PCDHA8: variants seen among roughly 807,000 people sequenced by gnomAD.
PCDHA8 encodes the protein protocadherin alpha-8.
A neutral mutation model predicts 61.8 loss-of-function variants in PCDHA8; 53 were observed. The observed-to-expected ratio is 0.86, with a 90% CI of 0.69 to 1.08. PCDHA8 has a LOEUF of 1.08. Ranked by LOEUF, PCDHA8 falls within the 50% of genes least tolerant of loss-of-function variation. PCDHA8 has a pLI of 0.00. For synonymous variants in PCDHA8, 618 were observed against 556.6 expected (o/e 1.11, Z -1.55); for missense variants, 1,293 against 1,245.0 (o/e 1.04, Z -0.58).
Position 140,876,608 on chromosome 5 carries a change from C to T in PCDHA8, c.2394+32893C>T, listed in dbSNP as rs1267902187. On this transcript the variant is annotated intron_variant, in intron 1 of 3. Transcript: ENST00000531613. ...CTGATTAGCGTGTCGGATCGTGACT[C>T]TGGAGCCAATGGACAGGTCATCTGC... The T allele has an allele frequency of 5.0e-6, 8 of 1,614,070 alleles. No individual in the cohort carries two copies. The highest frequency in any genetic ancestry group is 5.9e-6 in the Non-Finnish European group (7 of 1,180,040).
At chr5:140,985,690 C>G (rs752184454) in intron 3 of PCDHA8, among the ~76,000 whole-genome samples, 1 of 151,742 alleles carries the variant, frequency 6.6e-6, no homozygotes, top group Admixed American at 6.6e-5. Flanking sequence ...TACGCTAATC[C>G]TCGTTCATAT....
intron 1 of PCDHA8, chr5:140,875,542 T>G: frequency 6.2e-7 from 1 of 1,614,134 alleles, no homozygotes. Context: ...CCTTGCAGCC[T>G]GGGAGGTGGG....
At chr5:140,885,267 C>T (rs1448375746) in intron 1 of PCDHA8, among the ~76,000 whole-genome samples, 1 of 151,978 alleles carries the variant, frequency 6.6e-6, no homozygotes, top group Non-Finnish European at 1.5e-5. Flanking sequence ...ATTACTCATA[C>T]ATATATATAT....
At chr5:140,933,338 G>T (rs2089065952) in intron 1 of PCDHA8, among the ~76,000 whole-genome samples, 1 of 151,926 alleles carries the variant, frequency 6.6e-6, no homozygotes, top group South Asian at 2.1e-4. Context: ...TGTAGAGAAA[G>T]ATAAACACTT....
In PCDHA8 at chr5:140,843,613, A is replaced by G; in HGVS notation, c.2292A>G (p.Pro764=). The change falls in exon 1 of 4, where the codon CCA becomes CCG. Residue 764 remains proline, a synonymous_variant. Coordinates refer to ENST00000531613, the MANE Select transcript of PCDHA8 (RefSeq NM_018911.3). ...QPQRVCSGEG[P]PKTDLMAFSP... is the part of the protein sequence containing the mutation. ...AGAGGGTGTGCTCTGGTGAGGGGCC[A>G]CCGAAGACGGACCTCATGGCCTTCA... The G allele has an allele frequency of 6.3e-7, 1 of 1,596,056 alleles. No individual in the cohort carries two copies. Among genetic ancestry groups the G allele is most frequent in the Non-Finnish European group, 8.6e-7 (1 of 1,165,548 alleles).
intron 1 of PCDHA8, among the ~76,000 whole-genome samples, chr5:140,941,693 G>C (rs2093147737): frequency 6.6e-6 from 1 of 151,900 alleles, no homozygotes; most frequent in South Asian, 2.1e-4. Flanking sequence ...TTACCTCTTT[G>C]GGCTTAGCTT....
At chr5:140,870,229 C>A (rs781897836) in intron 1 of PCDHA8, 3 of 1,614,046 alleles carry the variant, frequency 1.9e-6, no homozygotes, top group South Asian at 1.1e-5. Flanking sequence ...CGTGTCTGAC[C>A]GTGACTCAGG....
chr5:140,856,872 A>G (rs1554149238), intron 1 of PCDHA8: 1 of 1,596,142 alleles, frequency 6.3e-7, no homozygotes, highest in South Asian at 1.1e-5. Flanking sequence ...ATAAACAAGG[A>G]AATGATGTAT....
intron 1 of PCDHA8, among the ~76,000 whole-genome samples, chr5:140,932,340 C>G (rs1339952181): frequency 6.6e-6 from 1 of 151,864 alleles, no homozygotes; most frequent in Non-Finnish European, 1.5e-5. Flanking sequence ...GCATGAAACA[C>G]TTACCATACA....
rs376781836 is a variant in PCDHA8 at position 140,858,274 on chromosome 5, G to A, written c.2394+14559G>A. On this transcript the variant is annotated intron_variant, in intron 1 of 3. Coordinates refer to ENST00000531613, the MANE Select transcript of PCDHA8 (RefSeq NM_018911.3). ...AGCCCACGCTGGTGTGCTCTAGCGCGGTGGGGAGCTGGTCTTACTCGCAGC... is the reference window on the plus strand; with the variant it reads ...AGCCCACGCTGGTGTGCTCTAGCGCAGTGGGGAGCTGGTCTTACTCGCAGC... The A allele has an allele frequency of 1.3e-5, 21 of 1,597,416 alleles. 1 individual carries two copies. The African/African-American group carries it at 2.6e-4, about 19-fold the overall frequency.
chr5:140,882,261 AGTGTACCATGCT>A (rs1554173264), intron 1 of PCDHA8: 1 of 1,604,356 alleles, frequency 6.2e-7, no homozygotes, highest in Non-Finnish European at 8.5e-7. Flanking sequence ...AGGTTTTTGG[AGTGTACCATGCT>A]GTCTTCCTGG....
chr5:140,886,127 C>T (rs1308479455), intron 1 of PCDHA8, among the ~76,000 whole-genome samples: 5 of 152,172 alleles, frequency 3.3e-5, no homozygotes, highest in African/African-American at 1.2e-4. Flanking sequence ...AGTTCCGTAA[C>T]AACCAGATTC....
At chr5:140,988,007 A>G (rs2097277966) in intron 3 of PCDHA8, among the ~76,000 whole-genome samples, 1 of 152,230 alleles carries the variant, frequency 6.6e-6, no homozygotes, top group Non-Finnish European at 1.5e-5. Context: ...TTCCCCAGAA[A>G]GAAAGCATGA....
chr5:140,883,865 T>C, intron 1 of PCDHA8: 2 of 1,613,076 alleles, frequency 1.2e-6, no homozygotes, highest in East Asian at 2.2e-5. Flanking sequence ...GCTGTTGCAG[T>C]TCCAGGTGAG....
chr5:140,960,031 G>A (rs1331929817), intron 1 of PCDHA8, among the ~76,000 whole-genome samples: 4 of 152,220 alleles, frequency 2.6e-5, no homozygotes, highest in African/African-American at 7.2e-5. Flanking sequence ...TGTTAAGTCC[G>A]GCTGTTTATT....
intron 3 of PCDHA8, among the ~76,000 whole-genome samples, chr5:140,987,107 G>C (rs936936352): frequency 2.0e-5 from 3 of 151,876 alleles, no homozygotes; most frequent in Admixed American, 6.6e-5. Context: ...CCAGCTACTC[G>C]GGAGGCTGAG....
intron 1 of PCDHA8, chr5:140,857,530 G>T (rs1554150174): frequency 2.5e-6 from 4 of 1,597,696 alleles, no homozygotes; most frequent in Non-Finnish European, 3.4e-6. Flanking sequence ...ACTCTCTGGT[G>T]GAGCGGCGGT....
intron 3 of PCDHA8, among the ~76,000 whole-genome samples, chr5:140,986,383 A>G (rs1277624649): frequency 2.6e-5 from 4 of 152,178 alleles, no homozygotes; most frequent in Admixed American, 1.3e-4. Flanking sequence ...GGGGAGGGAC[A>G]TTAAAGGGCC....
At chr5:140,992,131 T>C (rs1554252686) in intron 3 of PCDHA8, among the ~76,000 whole-genome samples, 1 of 151,874 alleles carries the variant, frequency 6.6e-6, no homozygotes, top group African/African-American at 2.4e-5. Flanking sequence ...GAACAGTGAC[T>C]GATGATGCTA....
Sources: allele counts gnomAD v4.1 joint callset (sites outside exome capture counted in the v4.1 genomes callset), GRCh38; gene constraint gnomAD v4.1.1; transcripts MANE v1.5; gene names NCBI Gene and HGNC (gene_info 2026-07-23, HGNC 2026-07-21).